Variants in LIPA observed in about 807,000 individuals in gnomAD.
LIPA encodes the protein lysosomal acid lipase/cholesteryl ester hydrolase.
LIPA carries 26 observed loss-of-function variants against 40.6 expected under a neutral mutation model. The ratio of observed to expected loss-of-function variants is 0.64; its 90% CI spans 0.47 to 0.89. The LOEUF (loss-of-function observed/expected upper bound fraction) is 0.89. Ranked by LOEUF, LIPA falls within the 40% of genes least tolerant of loss-of-function variation. LIPA has a pLI of 0.00. For missense variants in LIPA, 455 were observed against 479.6 expected (o/e 0.95, Z 0.48); for synonymous variants, 188 against 168.4 (o/e 1.12, Z -0.90).
chr10:89,228,175 C>CA (rs1564755218), intron 4 of LIPA, 25 bp downstream of exon 4: 16 of 1,587,666 alleles, frequency 1.0e-5, no homozygotes, highest in Non-Finnish European at 1.2e-5. Context: ...GAAATACATC[C>CA]ATGCCATTAT....
chr10:89,281,514 T>G (rs1455634383), intron 1 of LIPA, among the ~76,000 whole-genome samples: 1 of 152,214 alleles, frequency 6.6e-6, no homozygotes, highest in Non-Finnish European at 1.5e-5. Context: ...AATTTATCTT[T>G]AACTCCACAA....
intron 1 of LIPA, among the ~76,000 whole-genome samples, chr10:89,305,099 G>A (rs1003304988): frequency 5.3e-5 from 8 of 151,926 alleles, no homozygotes; most frequent in Admixed American, 1.3e-4. Flanking sequence ...GTATGGGGGG[G>A]AGGGGAGGAA....
chr10:89,384,591 T>G, intron 2 of LIPA: 1 of 1,614,172 alleles, frequency 6.2e-7, no homozygotes, highest in Non-Finnish European at 8.5e-7. Context: ...AGAAATTGGC[T>G]AAAAGATGTA....
chr10:89,260,006 C>T (rs1368278677), intron 1 of LIPA, among the ~76,000 whole-genome samples: 1 of 152,100 alleles, frequency 6.6e-6, no homozygotes, highest in African/African-American at 2.4e-5. Context: ...GAAAACTCAT[C>T]AAAATGTACA....
intron 2 of LIPA, among the ~76,000 whole-genome samples, chr10:89,366,029 A>G (rs896726481): frequency 2.8e-4 from 43 of 152,308 alleles, no homozygotes; most frequent in African/African-American, 9.6e-4. Flanking sequence ...TGAATCTATA[A>G]ATTACCTTGG....
At chr10:89,235,373 G>A (rs7080543) in intron 3 of LIPA, among the ~76,000 whole-genome samples, 4,634 of 152,288 alleles carry the variant, frequency 0.03, 246 homozygotes, top group African/African-American at 0.1. Context: ...AGGAGGGCTG[G>A]GGATTAAGGG....
intron 1 of LIPA, among the ~76,000 whole-genome samples, chr10:89,310,796 T>G (rs1390363636): frequency 2.0e-5 from 3 of 152,214 alleles, no homozygotes; most frequent in Non-Finnish European, 4.4e-5. Context: ...GCTTCTCCTC[T>G]GGTTCTCTGT....
At chr10:89,400,542 A>G (rs1166920356) in intron 2 of LIPA, among the ~76,000 whole-genome samples, 2 of 151,980 alleles carry the variant, frequency 1.3e-5, no homozygotes, top group Non-Finnish European at 2.9e-5. Flanking sequence ...TATTTTTGTA[A>G]ATGGGATTGT....
At chr10:89,325,676 G>T (rs1471964922) in intron 1 of LIPA, among the ~76,000 whole-genome samples, 2 of 152,142 alleles carry the variant, frequency 1.3e-5, no homozygotes, top group Non-Finnish European at 2.9e-5. Context: ...TGGACACAAA[G>T]AGGGGAACAA....
intron 1 of LIPA, chr10:89,338,731 A>C: frequency 6.2e-7 from 1 of 1,613,832 alleles, no homozygotes; most frequent in Non-Finnish European, 8.5e-7. Context: ...GAACTTATTC[A>C]AGGAAGACAG....
intron 1 of LIPA, among the ~76,000 whole-genome samples, chr10:89,299,401 C>T (rs182942062): frequency 5.3e-5 from 8 of 152,138 alleles, no homozygotes; most frequent in Admixed American, 1.3e-4. Context: ...TCTCCAAAGG[C>T]GAAGGGAAAC....
intron 1 of LIPA, chr10:89,340,284 C>T (rs12242568): frequency 0.03 from 21,964 of 725,346 alleles, 1,212 homozygotes; most frequent in African/African-American, 0.19. Context: ...TTTGGCCGGG[C>T]GCAGTGGCTC....
intron 2 of LIPA, among the ~76,000 whole-genome samples, chr10:89,351,278 T>C (rs1422659897): frequency 6.6e-6 from 1 of 152,248 alleles, no homozygotes; most frequent in East Asian, 1.9e-4. Flanking sequence ...ATCATGCCAC[T>C]GCACTCCAGC....
chr10:89,256,816 G>C lies in LIPA; in HGVS notation c.-1-9167C>G, dbSNP rs563490430. 2.0e-5 allele frequency among the ~76,000 whole-genome samples: 3 copies of C among 152,302 alleles called. No homozygotes were observed. In the South Asian group the frequency reaches 6.2e-4, roughly 32 times the overall value. The stretch of plus-strand genomic sequence containing the variant: ...GAATGAATGAAAATATAACCACGAG[G>C]TTCCTTCACTCAGGTAGGGGAAGAT... On this transcript the variant is annotated intron_variant, in intron 1 of 5. Transcript: ENST00000282673.
At chr10:89,364,501 C>T (rs947401794) in intron 2 of LIPA, among the ~76,000 whole-genome samples, 2 of 152,112 alleles carry the variant, frequency 1.3e-5, no homozygotes. Flanking sequence ...ATTTTCACTT[C>T]TTAAGGCCCA....
At chr10:89,377,192 G>A (rs1160788358) in intron 2 of LIPA, among the ~76,000 whole-genome samples, 2 of 152,172 alleles carry the variant, frequency 1.3e-5, no homozygotes, top group African/African-American at 2.4e-5. Context: ...CATTAAACAT[G>A]TGAACATTGT....
intron 2 of LIPA, among the ~76,000 whole-genome samples, chr10:89,377,363 C>A (rs547340705): frequency 3.9e-5 from 6 of 152,306 alleles, no homozygotes; most frequent in Non-Finnish European, 8.8e-5. Context: ...GCATATGTTT[C>A]TCTACTGACC....
intron 1 of LIPA, among the ~76,000 whole-genome samples, chr10:89,288,442 AC>A (rs1229087196): frequency 1.3e-5 from 2 of 152,066 alleles, no homozygotes; most frequent in Non-Finnish European, 2.9e-5. Context: ...TTTTCATTAC[AC>A]ACAGCGAAAG....
chr10:89,382,899 G>A (rs1487613867), intron 2 of LIPA, among the ~76,000 whole-genome samples: 1 of 152,208 alleles, frequency 6.6e-6, no homozygotes, highest in Non-Finnish European at 1.5e-5. Context: ...TTTACGTGTT[G>A]AGAACATGAA....
Sources: allele counts gnomAD v4.1 joint callset (sites outside exome capture counted in the v4.1 genomes callset), GRCh38; gene constraint gnomAD v4.1.1; transcripts MANE v1.5; gene names NCBI Gene and HGNC (gene_info 2026-07-23, HGNC 2026-07-21).